ZDHHC21: variants seen among roughly 807,000 people sequenced by gnomAD.
ZDHHC21 encodes zDHHC palmitoyltransferase 21.
A neutral mutation model predicts 34.6 loss-of-function variants in ZDHHC21; 15 were observed. The ratio of observed to expected loss-of-function variants is 0.43; its 90% CI spans 0.29 to 0.67. The LOEUF is 0.67. Ranked by LOEUF, ZDHHC21 falls within the 30% of genes least tolerant of loss-of-function variation. ZDHHC21 has a pLI of 0.14. For synonymous variants in ZDHHC21, 142 were observed against 101.8 expected (o/e 1.40, Z -2.38); for missense variants, 344 against 327.7 (o/e 1.05, Z -0.38).
At chr9:14,621,096 G>A (rs896022877) in intron 8 of ZDHHC21, among the ~76,000 whole-genome samples, 1 of 151,984 alleles carries the variant, frequency 6.6e-6, no homozygotes, top group African/African-American at 2.4e-5. Context: ...GTTTCTTAGA[G>A]TTTTGATAGT....
chr9:14,681,587 A>C (rs1837379778), intron 2 of ZDHHC21, among the ~76,000 whole-genome samples: 1 of 152,164 alleles, frequency 6.6e-6, no homozygotes, highest in Non-Finnish European at 1.5e-5. Context: ...AGGAAAAGAC[A>C]CAATCTGAGG....
At chr9:14,647,468 A>C (rs972689520) in intron 7 of ZDHHC21, among the ~76,000 whole-genome samples, 7 of 152,098 alleles carry the variant, frequency 4.6e-5, no homozygotes, top group Admixed American at 2.6e-4. Flanking sequence ...CTCATAACAT[A>C]ATTACAATTT....
At chr9:14,640,806 CTT>C in intron 7 of ZDHHC21, among the ~76,000 whole-genome samples, 1 of 152,098 alleles carries the variant, frequency 6.6e-6, no homozygotes, top group African/African-American at 2.4e-5. Flanking sequence ...AAAGGCAGGT[CTT>C]CTGGCTCAGA....
chr9:14,605,958 TG>T, the ZDHHC21 span, among the ~76,000 whole-genome samples: 1 of 152,190 alleles, frequency 6.6e-6, no homozygotes, highest in Non-Finnish European at 1.5e-5. Context: ...AAACTTCAAA[TG>T]GATTCAAGGG....
In ZDHHC21 at chr9:14,618,145, C is replaced by G. The variant is rs1012393106; in HGVS notation, c.*821G>C. On this transcript the variant is annotated 3_prime_UTR_variant, in exon 10 of 10. Coordinates refer to ENST00000380916, the MANE Select transcript of ZDHHC21 (RefSeq NM_178566.6). ...GGTAATTGTGAAGTTATTGCAAATT[C>G]TCTCCCCTTTTTGCTCATTAAAATC... 6.6e-6 allele frequency: 1 copy of G among 152,402 alleles called. No individual in the cohort carries two copies. Among genetic ancestry groups the G allele is most frequent in the African/African-American group, 2.4e-5 (1 of 41,392 alleles). The allele number at this position is 152,402 out of a possible 1,614,324, so 9.4% of individuals were successfully genotyped here. A position where few individuals can be genotyped will look rare whatever the true frequency, so the allele number is the denominator to read the frequency against.
At chr9:14,685,657 G>C (rs1381561633) in intron 2 of ZDHHC21, among the ~76,000 whole-genome samples, 1 of 152,190 alleles carries the variant, frequency 6.6e-6, no homozygotes, top group Non-Finnish European at 1.5e-5. Context: ...GATTCCTCAA[G>C]GATCTAGAAC....
intron 7 of ZDHHC21, among the ~76,000 whole-genome samples, chr9:14,650,639 T>C (rs1383397475): frequency 6.6e-6 from 1 of 152,042 alleles, no homozygotes; most frequent in Non-Finnish European, 1.5e-5. Flanking sequence ...CAAAGCTACC[T>C]GCAGCCAAGT....
intron 7 of ZDHHC21, among the ~76,000 whole-genome samples, chr9:14,650,612 A>G (rs559228969): frequency 2.6e-4 from 40 of 152,162 alleles, no homozygotes; most frequent in African/African-American, 7.7e-4. Context: ...TAAATTATGA[A>G]AAGATTTACA....
At chr9:14,655,259 C>A (rs933089227) in intron 7 of ZDHHC21, among the ~76,000 whole-genome samples, 1 of 151,774 alleles carries the variant, frequency 6.6e-6, no homozygotes, top group African/African-American at 2.4e-5. Flanking sequence ...CTGTGCCAAA[C>A]AATAAATCCT....
At chr9:14,682,461 A>G (rs543349514) in intron 2 of ZDHHC21, among the ~76,000 whole-genome samples, 73 of 152,354 alleles carry the variant, frequency 4.8e-4, no homozygotes, top group African/African-American at 1.7e-3. Context: ...ACATAATGGT[A>G]AAGGGATCAA....
At chr9:14,675,252 C>T (rs913549069) in intron 3 of ZDHHC21, among the ~76,000 whole-genome samples, 1 of 151,788 alleles carries the variant, frequency 6.6e-6, no homozygotes, top group African/African-American at 2.4e-5. Flanking sequence ...TACATCCATA[C>T]TTTGGTAGAT....
the ZDHHC21 span, among the ~76,000 whole-genome samples, chr9:14,597,881 C>T: frequency 6.6e-6 from 1 of 152,080 alleles, no homozygotes; most frequent in Non-Finnish European, 1.5e-5. Flanking sequence ...CATCTGGGTA[C>T]CTGAGAATTA....
chr9:14,677,332 C>T (rs1310473603), intron 3 of ZDHHC21: 1 of 151,960 alleles, frequency 6.6e-6, no homozygotes, highest in Non-Finnish European at 1.5e-5. Context: ...ATAATCCTCT[C>T]AATTGGGTCG....
the ZDHHC21 span, among the ~76,000 whole-genome samples, chr9:14,604,220 A>C: frequency 1.3e-5 from 2 of 152,342 alleles, no homozygotes; most frequent in South Asian, 4.1e-4. Context: ...GAAGATGCAC[A>C]TACCTTACCA....
chr9:14,596,159 C>G, the ZDHHC21 span, among the ~76,000 whole-genome samples: 1 of 152,220 alleles, frequency 6.6e-6, no homozygotes, highest in Non-Finnish European at 1.5e-5. Flanking sequence ...AAATGGAAAG[C>G]AACCCAAATG....
At chr9:14,657,746 TTAGCC>T (rs1832519009) in intron 7 of ZDHHC21, among the ~76,000 whole-genome samples, 1 of 152,198 alleles carries the variant, frequency 6.6e-6, no homozygotes, top group Non-Finnish European at 1.5e-5. Context: ...TCGTTACCTC[TTAGCC>T]TGTCTTTGTT....
intron 8 of ZDHHC21, among the ~76,000 whole-genome samples, chr9:14,632,085 A>G (rs576691235): frequency 1.3e-5 from 2 of 151,810 alleles, no homozygotes; most frequent in East Asian, 3.9e-4. Context: ...ACACACACAC[A>G]CACACTATCT....
chr9:14,646,001 A>G (rs555188939), intron 7 of ZDHHC21, among the ~76,000 whole-genome samples: 121 of 152,238 alleles, frequency 7.9e-4, no homozygotes, highest in African/African-American at 2.7e-3. Context: ...GTTTAACACT[A>G]TCTAAAGGAA....
chr9:14,620,584 C>CA (rs1825134834), intron 8 of ZDHHC21, among the ~76,000 whole-genome samples: 1 of 151,814 alleles, frequency 6.6e-6, no homozygotes, highest in Admixed American at 6.6e-5. Flanking sequence ...CAGTACTATT[C>CA]ATGCAAACTC....
Sources: allele counts gnomAD v4.1 joint callset (sites outside exome capture counted in the v4.1 genomes callset), GRCh38; gene constraint gnomAD v4.1.1; transcripts MANE v1.5; gene names NCBI Gene and HGNC (gene_info 2026-07-23, HGNC 2026-07-21).